RNF38: variants seen among roughly 807,000 people sequenced by gnomAD.
RNF38 encodes the protein E3 ubiquitin-protein ligase RNF38.
A neutral mutation model predicts 67.2 loss-of-function variants in RNF38; 15 were observed. That is an observed-to-expected ratio of 0.22 (90% CI 0.15 to 0.34). The LOEUF is 0.34. Among genes scored for constraint, RNF38 ranks in the 10% least tolerant of loss-of-function variants. The pLI, the probability that RNF38 is intolerant of heterozygous loss-of-function variation, is 1.00. For missense variants in RNF38, 524 were observed against 639.9 expected (o/e 0.82, Z 1.95); for synonymous variants, 220 against 218.8 (o/e 1.01, Z -0.05).
chr9:36,344,667 A>G (rs1003686791), intron 10 of RNF38, among the ~76,000 whole-genome samples, 165 bp downstream of exon 10: 5 of 152,350 alleles, frequency 3.3e-5, no homozygotes, highest in East Asian at 3.9e-4. Context: ...GGTTTAGACT[A>G]TGAAATAAAG....
chr9:36,383,348 C>T (rs1587567335), intron 2 of RNF38, among the ~76,000 whole-genome samples: 1 of 152,068 alleles, frequency 6.6e-6, no homozygotes, highest in South Asian at 2.1e-4. Flanking sequence ...ACTACAGGCG[C>T]GCACCAGCCA....
intron 1 of RNF38, among the ~76,000 whole-genome samples, chr9:36,484,915 C>T (rs141727235): frequency 0.062 from 9,487 of 152,218 alleles, 323 homozygotes; most frequent in South Asian, 0.15. Context: ...GCCTGTAATC[C>T]CAGCACTTTG....
intron 1 of RNF38, among the ~76,000 whole-genome samples, chr9:36,441,646 T>G (rs917264387): frequency 6.6e-6 from 1 of 152,150 alleles, no homozygotes; most frequent in Non-Finnish European, 1.5e-5. Flanking sequence ...ATACTGATTA[T>G]AATATAATAT....
chr9:36,422,238 TAAAC>T lies in RNF38; in HGVS notation n.312+2371_312+2374del, dbSNP rs572681613. 1.7e-4 allele frequency among the ~76,000 whole-genome samples: 25 copies of T among 150,812 alleles called. No homozygotes were observed. In the East Asian group the frequency reaches 2.3e-3, roughly 14 times the overall value. ...AGAGGGAGACTCTATCTCAAAATAA[TAAAC>T]AAACAAACAAACAAACATAAAAATG... On this transcript the variant is annotated intron_variant and non_coding_transcript_variant, in intron 2 of 3. Transcript: ENST00000488058.
At chr9:36,433,948 T>A (rs1388411653) in intron 1 of RNF38, among the ~76,000 whole-genome samples, 2 of 151,888 alleles carry the variant, frequency 1.3e-5, no homozygotes, top group African/African-American at 4.8e-5. Flanking sequence ...AAAATACTTA[T>A]AACTTTTAGG....
intron 1 of RNF38, among the ~76,000 whole-genome samples, chr9:36,451,636 G>A (rs965699566): frequency 1.1e-4 from 16 of 151,222 alleles, no homozygotes; most frequent in Admixed American, 4.0e-4. Flanking sequence ...TAATAGCTGG[G>A]ATTACAGGCA....
chr9:36,461,123 G>A (rs549157030), intron 1 of RNF38, among the ~76,000 whole-genome samples: 1 of 152,138 alleles, frequency 6.6e-6, no homozygotes, highest in South Asian at 2.1e-4. Flanking sequence ...GCTGAGGCAG[G>A]AGAATTGCTT....
chr9:36,383,294 T>C (rs1050919878), intron 2 of RNF38, among the ~76,000 whole-genome samples: 1 of 152,170 alleles, frequency 6.6e-6, no homozygotes, highest in Non-Finnish European at 1.5e-5. Context: ...CTCCGCCTCC[T>C]GGGTTTAGGC....
chr9:36,375,235 C>T (rs888444097), intron 3 of RNF38, among the ~76,000 whole-genome samples: 5 of 151,916 alleles, frequency 3.3e-5, no homozygotes, highest in South Asian at 2.1e-4. Context: ...CTGTCACCAA[C>T]GCTAGAGTGC....
At chr9:36,380,438 G>A (rs919585153) in intron 2 of RNF38, among the ~76,000 whole-genome samples, 1 of 152,148 alleles carries the variant, frequency 6.6e-6, no homozygotes, top group Non-Finnish European at 1.5e-5. Flanking sequence ...GACCTCAGGT[G>A]ATCTGCCCGC....
At chr9:36,468,241 T>TA (rs201229836) in intron 1 of RNF38, among the ~76,000 whole-genome samples, 50,482 of 132,494 alleles carry the variant, frequency 0.38, 9,240 homozygotes, top group Non-Finnish European at 0.4. Context: ...TGTTCTGTCT[T>TA]AAAAAAAAAA....
chr9:36,432,856 T>A (rs1375487970), intron 1 of RNF38, among the ~76,000 whole-genome samples: 1 of 152,166 alleles, frequency 6.6e-6, no homozygotes, highest in Non-Finnish European at 1.5e-5. Flanking sequence ...GTTACATATA[T>A]GGTAAGCATG....
At chr9:36,409,271 A>G (rs1334079827) in intron 2 of RNF38, among the ~76,000 whole-genome samples, 1 of 151,450 alleles carries the variant, frequency 6.6e-6, no homozygotes, top group Non-Finnish European at 1.5e-5. Context: ...GGAAGGAAAG[A>G]AGGAAAGAAA....
At chr9:36,432,625 T>C (rs1838957651) in intron 1 of RNF38, among the ~76,000 whole-genome samples, 2 of 151,884 alleles carry the variant, frequency 1.3e-5, no homozygotes, top group Non-Finnish European at 2.9e-5. Flanking sequence ...AAACCCCGTC[T>C]CTACTAAAAA....
intron 1 of RNF38, among the ~76,000 whole-genome samples, chr9:36,473,596 A>T (rs115891436): frequency 0.05 from 7,600 of 152,172 alleles, 584 homozygotes; most frequent in African/African-American, 0.17. Context: ...CTCAAAAAAG[A>T]TATTAAATAA....
At chr9:36,400,609 C>A (rs1037663130), upstream of RNF38, 11 of 986,020 alleles carry the variant, frequency 1.1e-5, no homozygotes, top group Non-Finnish European at 1.3e-5. Flanking sequence ...CGCTGGGCCG[C>A]CGCCTCCTAT....
rs528674005 is a variant in RNF38 at position 36,411,493 on chromosome 9, T to C, written n.312+13120A>G. On this transcript the variant is annotated intron_variant and non_coding_transcript_variant, in intron 2 of 3. Coordinates refer to the RNF38 transcript ENST00000488058. The stretch of plus-strand genomic sequence containing the variant: ...GTGTTCATAGCAACATTATTCACAA[T>C]AGCCAAAAGGTGGAAGCAACCCCAA... 2.6e-5 allele frequency among the ~76,000 whole-genome samples: 4 copies of C among 152,336 alleles called. No individual in the cohort carries two copies. In the South Asian group the frequency reaches 6.2e-4, roughly 24 times the overall value.
upstream of RNF38, chr9:36,401,129 C>G (rs550247490): frequency 2.5e-5 from 25 of 985,088 alleles, no homozygotes; most frequent in East Asian, 2.6e-3. Flanking sequence ...ACCACCGGAG[C>G]GCTCCTCCCT....
In RNF38 at chr9:36,358,333, A is replaced by T. The variant is rs888024178; in HGVS notation, c.571-391T>A. On this transcript the variant is annotated intron_variant, in intron 4 of 11. Transcript: ENST00000259605. The stretch of plus-strand genomic sequence containing the variant: ...TACAACTAGTGAAACAATGTAAAGT[A>T]TATTTTTAAAAAAATGAAATCTCAT... 3.9e-5 allele frequency among the ~76,000 whole-genome samples: 6 copies of T among 152,236 alleles called. No individual in the cohort carries two copies. The South Asian group carries it at 1.0e-3, about 26-fold the overall frequency.
Sources: allele counts gnomAD v4.1 joint callset (sites outside exome capture counted in the v4.1 genomes callset), GRCh38; gene constraint gnomAD v4.1.1; transcripts MANE v1.5; gene names NCBI Gene and HGNC (gene_info 2026-07-23, HGNC 2026-07-21).